Variants in GRM3 observed in about 807,000 individuals in gnomAD.
GRM3 encodes the protein metabotropic glutamate receptor 3.
In GRM3, 26 loss-of-function variants were observed where a neutral mutation model predicts 70.5. The ratio of observed to expected loss-of-function variants is 0.37; its 90% confidence interval spans 0.27 to 0.51. The LOEUF is 0.51. GRM3 is among the 20% of genes least tolerant of loss of function. The probability of loss-of-function intolerance (pLI) is 0.93; values close to 1 mark genes in which losing one functional copy is unlikely to be tolerated. For missense variants in GRM3, 859 were observed against 1,123.8 expected (o/e 0.76, Z 3.37); for synonymous variants, 443 against 434.9 (o/e 1.02, Z -0.23).
At chr7:86,751,140 G>C (rs549571738) in intron 1 of GRM3, among the ~76,000 whole-genome samples, 1 of 152,174 alleles carries the variant, frequency 6.6e-6, no homozygotes, top group South Asian at 2.1e-4. Flanking sequence ...CACATTCAAA[G>C]GTTAACTGCA....
intron 3 of GRM3, among the ~76,000 whole-genome samples, chr7:86,792,904 C>T (rs1007981402): frequency 6.6e-6 from 1 of 151,998 alleles, no homozygotes; most frequent in Non-Finnish European, 1.5e-5. Context: ...GAGGACAATT[C>T]CCTGTTACTG....
intron 3 of GRM3, among the ~76,000 whole-genome samples, chr7:86,819,505 A>G (rs530902725): frequency 3.0e-4 from 45 of 152,234 alleles, no homozygotes; most frequent in Admixed American, 4.6e-4. Flanking sequence ...CTGTTTGAAG[A>G]AAGGTACTGA....
chr7:86,769,641 C>A (rs1170988364), intron 2 of GRM3, among the ~76,000 whole-genome samples: 1 of 152,100 alleles, frequency 6.6e-6, no homozygotes, highest in Non-Finnish European at 1.5e-5. Context: ...ATACAATAGG[C>A]AGTGTTTGCT....
At chr7:86,652,565 A>G (rs1010726376) in intron 1 of GRM3, among the ~76,000 whole-genome samples, 2 of 152,102 alleles carry the variant, frequency 1.3e-5, no homozygotes, top group Non-Finnish European at 2.9e-5. Flanking sequence ...TCCTGACCTC[A>G]TGATCCTCCC....
At chr7:86,779,696 T>C (rs77228357) in intron 2 of GRM3, among the ~76,000 whole-genome samples, 5,603 of 152,306 alleles carry the variant, frequency 0.037, 326 homozygotes, top group African/African-American at 0.13. Context: ...CAAGTCATTC[T>C]GAAGTCAGGC....
At chr7:86,686,125 A>G (rs1190260221) in intron 1 of GRM3, among the ~76,000 whole-genome samples, 2 of 152,156 alleles carry the variant, frequency 1.3e-5, no homozygotes, top group African/African-American at 4.8e-5. Context: ...GACAAAATAT[A>G]AAAACTGAAA....
intron 1 of GRM3, among the ~76,000 whole-genome samples, chr7:86,679,771 A>G (rs1203397816): frequency 1.3e-5 from 2 of 151,954 alleles, no homozygotes; most frequent in East Asian, 3.9e-4. Context: ...TTATTGGGTC[A>G]TTATTTCCAA....
intron 1 of GRM3, among the ~76,000 whole-genome samples, chr7:86,734,965 C>T (rs1334433185): frequency 1.3e-5 from 2 of 152,068 alleles, no homozygotes; most frequent in Non-Finnish European, 2.9e-5. Context: ...TGTGTGAAGG[C>T]TTATTATTAC....
chr7:86,814,601 T>C (rs1797979462), intron 3 of GRM3, among the ~76,000 whole-genome samples: 1 of 151,816 alleles, frequency 6.6e-6, no homozygotes, highest in South Asian at 2.1e-4. Flanking sequence ...CTTTCTTCAC[T>C]TTTTCTTGGA....
chr7:86,832,313 C>T (rs184383195), intron 3 of GRM3, among the ~76,000 whole-genome samples: 134 of 143,506 alleles, frequency 9.3e-4, no homozygotes, highest in African/African-American at 3.3e-3. Context: ...TGCAATGGCG[C>T]GATCTCAGCT....
chr7:86,697,703 A>G (rs944388477), intron 1 of GRM3, among the ~76,000 whole-genome samples: 64 of 152,132 alleles, frequency 4.2e-4, no homozygotes, highest in Non-Finnish European at 6.2e-4. Flanking sequence ...ATTTCCCTAA[A>G]AAAAAATTGA....
intron 1 of GRM3, among the ~76,000 whole-genome samples, chr7:86,693,916 T>A (rs1794751910): frequency 6.6e-6 from 1 of 152,240 alleles, no homozygotes; most frequent in Non-Finnish European, 1.5e-5. Flanking sequence ...TATTTTCAAC[T>A]CAGGTTACAC....
intron 2 of GRM3, among the ~76,000 whole-genome samples, chr7:86,769,893 G>T (rs543037257): frequency 4.6e-5 from 7 of 152,112 alleles, no homozygotes; most frequent in Admixed American, 1.3e-4. Flanking sequence ...TCTCCCTGGA[G>T]AATAAGTTTC....
At chr7:86,824,666 T>C (rs956231734) in intron 3 of GRM3, among the ~76,000 whole-genome samples, 2 of 152,222 alleles carry the variant, frequency 1.3e-5, no homozygotes, top group African/African-American at 4.8e-5. Flanking sequence ...AATTCTCACA[T>C]GTACTACTAA....
chr7:86,746,341 T>TTTTATATATATATATATATATA lies in GRM3; in HGVS notation c.-140-18664_-140-18663insTTATATATATATATATATATAT, dbSNP rs1388333232. Among the ~76,000 whole-genome samples the TTTTATATATATATATATATATA allele has an allele frequency of 1.5e-3, 132 of 87,382 alleles. 2 individuals carry two copies. The highest frequency in any genetic ancestry group is 1.8e-3 in the African/African-American group (30 of 16,810). 57.3% of individuals were successfully genotyped at this position (87,382 alleles called of 152,430 possible). A position where few individuals can be genotyped will look rare whatever the true frequency, so the allele number is the denominator to read the frequency against. On this transcript the variant is annotated intron_variant, in intron 1 of 5. Transcript: ENST00000361669. Reference sequence around the variant, plus strand: ...TGACTAATAGAGGGTCAGTCATGTATTATATATATATATATATATATATAT... The same window carrying TTTTATATATATATATATATATA: ...TGACTAATAGAGGGTCAGTCATGTATTTTATATATATATATATATATATATATATATATATATATATATATAT...
intron 1 of GRM3, among the ~76,000 whole-genome samples, chr7:86,731,241 A>G (rs895065954): frequency 6.6e-6 from 1 of 152,106 alleles, no homozygotes; most frequent in Non-Finnish European, 1.5e-5. Flanking sequence ...TTCTCAAACA[A>G]GCTCCTCCTC....
intron 1 of GRM3, among the ~76,000 whole-genome samples, chr7:86,683,252 T>G (rs889515855): frequency 6.6e-5 from 10 of 152,116 alleles, no homozygotes; most frequent in Non-Finnish European, 1.2e-4. Flanking sequence ...AGGAGTCAAG[T>G]GGCCTGGGTA....
intron 1 of GRM3, among the ~76,000 whole-genome samples, chr7:86,675,607 A>G (rs1226626937): frequency 6.6e-6 from 1 of 152,070 alleles, no homozygotes; most frequent in Non-Finnish European, 1.5e-5. Context: ...AATGAAGGTG[A>G]ACTATTGAAA....
At chr7:86,855,068 C>T (rs1798821551) in intron 5 of GRM3, among the ~76,000 whole-genome samples, 2 of 152,174 alleles carry the variant, frequency 1.3e-5, no homozygotes. Flanking sequence ...ACTTTTAATT[C>T]TACTCCCACA....
Sources: allele counts gnomAD v4.1 joint callset (sites outside exome capture counted in the v4.1 genomes callset), GRCh38; gene constraint gnomAD v4.1.1; transcripts MANE v1.5; gene names NCBI Gene and HGNC (gene_info 2026-07-23, HGNC 2026-07-21).